The following MGAT4C variants were observed in gnomAD, a reference collection of about 807,000 sequenced individuals.
The protein encoded by MGAT4C is MGAT4 family member C.
MGAT4C carries 19 observed loss-of-function variants against 40.1 expected under a neutral mutation model. That is an observed-to-expected ratio of 0.47 (90% CI 0.33 to 0.70). The LOEUF (loss-of-function observed/expected upper bound fraction) is 0.70, where lower values mean the gene tolerates loss of function less well. Ranked by LOEUF, MGAT4C falls within the 30% of genes least tolerant of loss-of-function variation. The pLI, the probability that MGAT4C is intolerant of heterozygous loss-of-function variation, is 0.02. For missense variants in MGAT4C, 491 were observed against 563.2 expected, an observed-to-expected ratio of 0.87 and a Z score of 1.30; for synonymous variants, 181 against 187.1, an observed-to-expected ratio of 0.97 and a Z score of 0.27.
intron 3 of MGAT4C, among the ~76,000 whole-genome samples, chr12:86,433,193 G>T (rs755487597): frequency 6.6e-6 from 1 of 151,936 alleles, no homozygotes; most frequent in East Asian, 1.9e-4. Context: ...TAAAGCATGT[G>T]TATGTATGTT....
intron 1 of MGAT4C, among the ~76,000 whole-genome samples, chr12:86,233,465 C>A (rs1036429804): frequency 2.0e-5 from 3 of 152,128 alleles, no homozygotes; most frequent in Admixed American, 1.3e-4. Context: ...TAGGTGACAG[C>A]CTTGCTGGGT....
rs1362041787 is a variant in MGAT4C at position 85,957,258 on chromosome 12, G to A, written c.*22031C>T. On this transcript the variant is annotated 3_prime_UTR_variant, in exon 5 of 5. Coordinates refer to ENST00000611864, the MANE Select transcript of MGAT4C (RefSeq NM_001351288.2). ...TTTATTTTCTTCATCTGTAAATAAA[G>A]TCATATTATTTGTGAAAGACCAAGG... 6.6e-6 allele frequency: 1 copy of A among 152,134 alleles called. No homozygotes were observed. The highest frequency in any genetic ancestry group is 1.5e-5 in the Non-Finnish European group (1 of 68,030). 9.4% of individuals were successfully genotyped at this position (152,134 alleles called of 1,614,324 possible).
At chr12:86,503,941 G>A (rs925933758) in intron 2 of MGAT4C, among the ~76,000 whole-genome samples, 2 of 150,014 alleles carry the variant, frequency 1.3e-5, no homozygotes, top group African/African-American at 4.9e-5. Flanking sequence ...AACAACTTAC[G>A]TTTAAAACCT....
At position 86,748,675 on chromosome 12, in the gene MGAT4C, G is replaced by A. The variant is rs150090764; in HGVS notation, c.-261-21434C>T. Among the ~76,000 whole-genome samples the A allele has an allele frequency of 2.9e-3, 444 of 151,648 alleles. 3 individuals carry two copies. The highest frequency in any genetic ancestry group is 0.01 in the African/African-American group (429 of 41,480). Reference sequence around the variant, plus strand: ...GTAAAGCAAAGAAACATATCAGAGGGAGATGGTAATCAATAATTGAGTATC... The same window carrying A: ...GTAAAGCAAAGAAACATATCAGAGGAAGATGGTAATCAATAATTGAGTATC... On this transcript the variant is annotated intron_variant, in intron 1 of 7. Transcript: ENST00000548651.
At chr12:86,836,558 A>C (rs910417440) in intron 1 of MGAT4C, among the ~76,000 whole-genome samples, 1 of 152,080 alleles carries the variant, frequency 6.6e-6, no homozygotes, top group African/African-American at 2.4e-5. Flanking sequence ...TTTAGTACTA[A>C]ACCTGGAAGT....
At chr12:86,007,212 T>C (rs556543995) in intron 2 of MGAT4C, among the ~76,000 whole-genome samples, 1 of 152,274 alleles carries the variant, frequency 6.6e-6, no homozygotes, top group African/African-American at 2.4e-5. Flanking sequence ...CTTACATACA[T>C]GAAAGACTGC....
At chr12:86,695,814 T>A (rs558394434) in intron 2 of MGAT4C, among the ~76,000 whole-genome samples, 11 of 151,900 alleles carry the variant, frequency 7.2e-5, no homozygotes. Flanking sequence ...GTGGGTATAG[T>A]TAATAGGTAC....
chr12:86,218,092 A>C (rs984772660), intron 1 of MGAT4C, among the ~76,000 whole-genome samples: 1 of 152,022 alleles, frequency 6.6e-6, no homozygotes, highest in African/African-American at 2.4e-5. Flanking sequence ...AGGAAATTGT[A>C]AAAGGTTTTC....
At chr12:86,515,209 C>G (rs1425674433) in intron 2 of MGAT4C, among the ~76,000 whole-genome samples, 1 of 152,172 alleles carries the variant, frequency 6.6e-6, no homozygotes, top group Admixed American at 6.5e-5. Flanking sequence ...AGACTGAAAA[C>G]TTTCCTCTTA....
At chr12:86,373,257 T>C in intron 3 of MGAT4C, among the ~76,000 whole-genome samples, 1 of 152,080 alleles carries the variant, frequency 6.6e-6, no homozygotes, top group African/African-American at 2.4e-5. Context: ...ATTTTATTTT[T>C]ACTGTAACAT....
chr12:86,792,828 G>A (rs1158969210), intron 1 of MGAT4C, among the ~76,000 whole-genome samples: 4 of 152,188 alleles, frequency 2.6e-5, no homozygotes, highest in African/African-American at 7.2e-5. Context: ...CTACCCGGGA[G>A]GCTGAGGCAG....
chr12:86,537,314 A>G (rs1200948546), intron 2 of MGAT4C, among the ~76,000 whole-genome samples: 1 of 152,100 alleles, frequency 6.6e-6, no homozygotes, highest in Non-Finnish European at 1.5e-5. Flanking sequence ...TGGCACATGT[A>G]TACATATGTA....
chr12:86,321,322 T>C (rs1954380109), intron 4 of MGAT4C, among the ~76,000 whole-genome samples: 1 of 152,198 alleles, frequency 6.6e-6, no homozygotes, highest in Non-Finnish European at 1.5e-5. Flanking sequence ...GTAGCATTCA[T>C]ATCCTTGTAT....
chr12:86,726,478 T>C (rs1470885375), intron 2 of MGAT4C, among the ~76,000 whole-genome samples: 1 of 152,196 alleles, frequency 6.6e-6, no homozygotes, highest in African/African-American at 2.4e-5. Flanking sequence ...TGAAGAAATG[T>C]GTCTATTCAC....
At chr12:86,012,445 A>G (rs1888556236) in intron 2 of MGAT4C, among the ~76,000 whole-genome samples, 1 of 152,104 alleles carries the variant, frequency 6.6e-6, no homozygotes, top group East Asian at 1.9e-4. Context: ...ATGCTTTTTT[A>G]AAGACCTGGG....
chr12:85,973,352 T>C lies in MGAT4C; in HGVS notation c.*5937A>G, dbSNP rs528969269. The stretch of plus-strand genomic sequence containing the variant: ...TATACATCAAAACTATAATTACCTG[T>C]ATTTGGGCAGAATGATTTAGGTTAT... On this transcript the variant is annotated 3_prime_UTR_variant, in exon 5 of 5. Coordinates refer to ENST00000611864, the MANE Select transcript of MGAT4C (RefSeq NM_001351288.2). The C allele has an allele frequency of 5.4e-4, 82 of 151,138 alleles. No individual in the cohort carries two copies. Among genetic ancestry groups the C allele is most frequent in the African/African-American group, 2.0e-3 (82 of 41,506 alleles). 9.4% of individuals were successfully genotyped at this position (151,138 alleles called of 1,614,324 possible). A position where few individuals can be genotyped will look rare whatever the true frequency, so the allele number is the denominator to read the frequency against.
At chr12:86,038,405 G>T (rs1435839253) in intron 2 of MGAT4C, among the ~76,000 whole-genome samples, 2 of 149,628 alleles carry the variant, frequency 1.3e-5, no homozygotes, top group East Asian at 3.9e-4. Flanking sequence ...CTAAGAACTT[G>T]TTTCATGAAT....
At chr12:86,310,946 C>G (rs563355150) in intron 4 of MGAT4C, among the ~76,000 whole-genome samples, 1 of 152,178 alleles carries the variant, frequency 6.6e-6, no homozygotes, top group South Asian at 2.1e-4. Flanking sequence ...AACAAAAAAA[C>G]AAACAAATTA....
intron 3 of MGAT4C, among the ~76,000 whole-genome samples, chr12:86,409,629 TTG>T (rs1349409396): frequency 6.6e-6 from 1 of 152,158 alleles, no homozygotes; most frequent in African/African-American, 2.4e-5. Context: ...TTATTGATCT[TTG>T]TAGCCAAGGA....
Sources: allele counts gnomAD v4.1 joint callset (sites outside exome capture counted in the v4.1 genomes callset), GRCh38; gene constraint gnomAD v4.1.1; transcripts MANE v1.5; gene names NCBI Gene and HGNC (gene_info 2026-07-23, HGNC 2026-07-21).